CEP112: variants seen among roughly 807,000 people sequenced by gnomAD.
The protein encoded by CEP112 is centrosomal protein 112, also known as centrosomal protein of 112 kDa.
A neutral mutation model predicts 153.0 loss-of-function variants in CEP112; 127 were observed. The observed-to-expected ratio is 0.83, with a 90% CI of 0.72 to 0.96. CEP112 has a LOEUF of 0.96. Ranked by LOEUF, CEP112 falls within the 40% of genes least tolerant of loss-of-function variation. The probability of loss-of-function intolerance (pLI) is 0.00; values close to 1 mark genes in which losing one functional copy is unlikely to be tolerated. For synonymous variants in CEP112, 358 were observed against 374.4 expected, an observed-to-expected ratio of 0.96 and a Z score of 0.51; for missense variants, 1,089 against 1,101.2, an observed-to-expected ratio of 0.99 and a Z score of 0.16.
chr17:66,058,300 T>C (rs778882464), intron 11 of CEP112, among the ~76,000 whole-genome samples: 1 of 152,102 alleles, frequency 6.6e-6, no homozygotes, highest in Non-Finnish European at 1.5e-5. Flanking sequence ...GGGGACTTGC[T>C]AGGTACACAA....
At chr17:66,157,660 C>T (rs1034371187) in intron 4 of CEP112, among the ~76,000 whole-genome samples, 20 of 141,666 alleles carry the variant, frequency 1.4e-4, no homozygotes, top group Admixed American at 1.1e-3. Flanking sequence ...CACAAATAGG[C>T]TCAAAATAAA....
rs192109450 is a variant in CEP112, at chr17:65,959,254, G to C, written c.1872+2209C>G. 8.5e-5 allele frequency among the ~76,000 whole-genome samples: 13 copies of C among 152,248 alleles called. No homozygotes were observed. In the East Asian group the frequency reaches 2.5e-3, roughly 29 times the overall value. On this transcript the variant is annotated intron_variant, in intron 18 of 26. Transcript: ENST00000535342. The stretch of plus-strand genomic sequence containing the variant: ...GATGATGGGACTACCTGTCTGCAGA[G>C]ACGGGTTTACCACTCCAGGGTCTCC...
In CEP112 at chr17:65,970,385, A is replaced by AAATTGCATGCACACATCATGCATG. The variant is rs1340158866; in HGVS notation, c.1737-8788_1737-8787insCATGCATGATGTGTGCATGCAATT. ...TATATTACATGCACACATCATGCAT[A>AAATTGCATGCACACATCATGCATG]TATATTACATGCATGCACACATCAT... On this transcript the variant is annotated intron_variant, in intron 17 of 26. Coordinates refer to ENST00000535342, the MANE Select transcript of CEP112 (RefSeq NM_001199165.4). 1.5e-3 allele frequency among the ~76,000 whole-genome samples: 26 copies of AAATTGCATGCACACATCATGCATG among 16,992 alleles called. 1 individual carries two copies. The highest frequency in any genetic ancestry group is 6.2e-3 in the African/African-American group (25 of 4,052). 11.1% of individuals were successfully genotyped at this position (16,992 alleles called of 152,430 possible).
At chr17:65,656,254 G>C (rs2046058847) in intron 24 of CEP112, among the ~76,000 whole-genome samples, 1 of 152,168 alleles carries the variant, frequency 6.6e-6, no homozygotes, top group African/African-American at 2.4e-5. Flanking sequence ...CAACCATCTT[G>C]CTACCACAGA....
At chr17:65,673,954 G>C (rs1276856140) in intron 24 of CEP112, among the ~76,000 whole-genome samples, 1 of 152,122 alleles carries the variant, frequency 6.6e-6, no homozygotes, top group African/African-American at 2.4e-5. Context: ...TTGGCTCACT[G>C]CAACCTCCAC....
At position 66,096,576 on chromosome 17, in the gene CEP112, C is replaced by T. The variant is rs936102368; in HGVS notation, c.690+9G>A. On this transcript the variant is annotated intron_variant, in intron 7 of 26. Coordinates refer to ENST00000535342, the MANE Select transcript of CEP112 (RefSeq NM_001199165.4). ...CCCCTAGAAAAAGTCCAATGGATTT[C>T]TCACATACCAGAGAAACTGGGATAG... is the stretch of plus-strand genomic sequence containing the variant. 3 of 1,578,408 alleles carry T rather than the reference C, an allele frequency of 1.9e-6. No individual in the cohort carries two copies. Among genetic ancestry groups the T allele is most frequent in the Non-Finnish European group, 2.6e-6 (3 of 1,152,740 alleles).
At chr17:66,034,830 C>CA (rs1162309797) in intron 12 of CEP112, among the ~76,000 whole-genome samples, 1 of 150,516 alleles carries the variant, frequency 6.6e-6, no homozygotes, top group Non-Finnish European at 1.5e-5. Context: ...TTCACTGAGA[C>CA]AGAGTCTCAC....
At chr17:66,036,332 A>C (rs1394903941) in intron 12 of CEP112, among the ~76,000 whole-genome samples, 1 of 152,126 alleles carries the variant, frequency 6.6e-6, no homozygotes, top group Non-Finnish European at 1.5e-5. Flanking sequence ...TGTACCTTAA[A>C]AATGTGTTAA....
intron 23 of CEP112, among the ~76,000 whole-genome samples, chr17:65,727,197 T>C (rs232094): frequency 0.76 from 116,127 of 152,118 alleles, 45,561 homozygotes; most frequent in East Asian, 0.93. Context: ...GCAGTCAGTC[T>C]CTTCAAAACT....
chr17:65,895,837 T>A (rs1042204781), intron 20 of CEP112, among the ~76,000 whole-genome samples: 2 of 152,066 alleles, frequency 1.3e-5, no homozygotes, highest in Non-Finnish European at 2.9e-5. Context: ...ACACCTGATA[T>A]AACTAAAGGC....
At chr17:65,970,985 A>C (rs2144962944) in intron 17 of CEP112, among the ~76,000 whole-genome samples, 1 of 152,336 alleles carries the variant, frequency 6.6e-6, no homozygotes, top group East Asian at 1.9e-4. Flanking sequence ...GATTTTAAAA[A>C]ACTTTGTAAA....
At chr17:66,027,183 C>A (rs1196627537) in intron 16 of CEP112, among the ~76,000 whole-genome samples, 3 of 152,124 alleles carry the variant, frequency 2.0e-5, no homozygotes, top group South Asian at 4.2e-4. Context: ...TCCAGACCAA[C>A]CTGGCCAAAA....
chr17:65,649,822 T>C (rs545772986), intron 24 of CEP112, among the ~76,000 whole-genome samples: 1 of 152,290 alleles, frequency 6.6e-6, no homozygotes, highest in South Asian at 2.1e-4. Context: ...AAAAATTCTA[T>C]GGATGTTATC....
chr17:66,022,343 G>A (rs1004087566), intron 16 of CEP112, among the ~76,000 whole-genome samples: 1 of 152,100 alleles, frequency 6.6e-6, no homozygotes, highest in Non-Finnish European at 1.5e-5. Context: ...TGAAAAAGCA[G>A]GGTAGTATAG....
At chr17:66,089,418 A>G (rs2068055619) in intron 8 of CEP112, among the ~76,000 whole-genome samples, 2 of 152,236 alleles carry the variant, frequency 1.3e-5, no homozygotes, top group Non-Finnish European at 2.9e-5. Flanking sequence ...GAGCTTCAAG[A>G]AAATACAGAG....
At chr17:65,893,167 G>A (rs975808811) in intron 20 of CEP112, among the ~76,000 whole-genome samples, 7 of 151,872 alleles carry the variant, frequency 4.6e-5, no homozygotes, top group African/African-American at 1.5e-4. Flanking sequence ...CCAGTGAAAC[G>A]ACACACACAC....
chr17:65,781,660 C>T (rs967445723), intron 21 of CEP112, among the ~76,000 whole-genome samples: 1 of 152,086 alleles, frequency 6.6e-6, no homozygotes, highest in East Asian at 1.9e-4. Context: ...ACAGACACAT[C>T]GATTCATGGA....
At chr17:65,714,285 T>C (rs2049371033) in intron 23 of CEP112, among the ~76,000 whole-genome samples, 1 of 152,224 alleles carries the variant, frequency 6.6e-6, no homozygotes, top group Non-Finnish European at 1.5e-5. Context: ...AATGTAAAGA[T>C]GTAACATATT....
intron 23 of CEP112, among the ~76,000 whole-genome samples, chr17:65,707,551 A>G (rs145627449): frequency 1.3e-5 from 2 of 152,302 alleles, no homozygotes; most frequent in African/African-American, 4.8e-5. Context: ...TGGCTTCCAC[A>G]TGCCTCTCAG....
Sources: gnomAD v4.1 joint callset for allele counts (sites outside exome capture counted in the v4.1 genomes callset) on GRCh38, gnomAD v4.1.1 for gene constraint, MANE v1.5 for transcripts, NCBI Gene and HGNC (gene_info 2026-07-23, HGNC 2026-07-21) for gene names.